CACNA1H: variants seen among roughly 807,000 people sequenced by gnomAD.
CACNA1H encodes the protein voltage-dependent T-type calcium channel subunit alpha-1H.
In CACNA1H, 149 loss-of-function variants were observed where a neutral mutation model predicts 192.5. The observed-to-expected ratio is 0.77, with a 90% CI of 0.68 to 0.89. CACNA1H has a LOEUF of 0.89. Ranked by LOEUF, CACNA1H falls within the 40% of genes least tolerant of loss-of-function variation. The probability of loss-of-function intolerance (pLI) is 0.00; values close to 1 mark genes in which losing one functional copy is unlikely to be tolerated. For missense variants in CACNA1H, 4,257 were observed against 3,423.5 expected, an observed-to-expected ratio of 1.24 and a Z score of -6.08; for synonymous variants, 2,202 against 1,475.2, an observed-to-expected ratio of 1.49 and a Z score of -11.29.
rs776343389 is a variant in CACNA1H at position 1,196,033 on chromosome 16, C to T, written c.643+10C>T. ...ATCAACCGCGTGCCTAGTAAGTGAC[C>T]GGCCCCGACTGGGCTTGAGATCAAC... On this transcript the variant is annotated intron_variant, in intron 5 of 34. Coordinates refer to ENST00000348261, the MANE Select transcript of CACNA1H (RefSeq NM_021098.3). 30 of 1,607,274 alleles carry T rather than the reference C, an allele frequency of 1.9e-5. No homozygotes were observed. Among genetic ancestry groups the T allele is most frequent in the Admixed American group, 6.7e-5 (4 of 59,962 alleles).
intron 23 of CACNA1H, 43 bp downstream of exon 23, chr16:1,211,649 C>T: frequency 6.2e-7 from 1 of 1,609,410 alleles, no homozygotes; most frequent in Non-Finnish European, 8.5e-7. Flanking sequence ...CTCCAGGACA[C>T]CCTGGAGCGA....
chr16:1,197,782 C>T (rs941854695), intron 5 of CACNA1H, among the ~76,000 whole-genome samples: 7 of 152,192 alleles, frequency 4.6e-5, no homozygotes, highest in African/African-American at 1.7e-4. Flanking sequence ...CTCAGCGTCC[C>T]CAGGTTCCTG....
intron 34 of CACNA1H, 41 bp downstream of exon 34, chr16:1,219,171 TG>T: frequency 5.4e-6 from 8 of 1,478,434 alleles, no homozygotes; most frequent in African/African-American, 1.4e-5. Context: ...CTGGCGGGGA[TG>T]GGGGGCTTGC....
At chr16:1,209,471 C>T (rs1421099221) in intron 17 of CACNA1H, 59 bp downstream of exon 17, 10 of 1,573,122 alleles carry the variant, frequency 6.4e-6, no homozygotes, top group Middle Eastern at 1.7e-4. Context: ...GGGCAGGTTC[C>T]CTCAAGTGGG....
chr16:1,207,348 A>T lies in CACNA1H; in HGVS notation c.2981A>T (p.Tyr994Phe). 6.2e-7 allele frequency: 1 copy of T among 1,612,764 alleles called. No individual in the cohort carries two copies. Among genetic ancestry groups the T allele is most frequent in the South Asian group, 1.1e-5 (1 of 90,924 alleles). Residue 994 changes from tyrosine to phenylalanine, a missense_variant, in exon 14 of 35, where the codon TAC becomes TTC. Tyr to Phe is a conservative substitution (Grantham distance 22). Transcript: ENST00000348261. ...MASTSSWAALYFVALMTFGNY... is the reference protein window; with the variant it reads ...MASTSSWAALFFVALMTFGNY... ...TCCACCTCCTCCTGGGCCGCCCTCT[A>T]CTTCGTGGCCCTCATGACCTTCGGC... is the stretch of plus-strand genomic sequence containing the variant.
intron 2 of CACNA1H, among the ~76,000 whole-genome samples, chr16:1,185,355 G>A (rs1965881523): frequency 6.6e-6 from 1 of 152,080 alleles, no homozygotes; most frequent in African/African-American, 2.4e-5. Flanking sequence ...CTTTGTCCCT[G>A]GTGTAGGCAG....
rs974854245 is a variant in CACNA1H, at chr16:1,219,235, A to T, written c.6048+105A>T. 11 of 1,184,342 alleles carry T rather than the reference A, an allele frequency of 9.3e-6. No individual in the cohort carries two copies. The Admixed American group carries it at 2.5e-4, about 27-fold the overall frequency. 73.4% of individuals were successfully genotyped at this position (1,184,342 alleles called of 1,614,324 possible). ...CAGCAGACGAGGACAAGGCAGGAGG[A>T]GGGTCGCACTGGGTCCTTGGGGCTC... On this transcript the variant is annotated intron_variant, in intron 34 of 34. Transcript: ENST00000348261.
intron 15 of CACNA1H, 55 bp from the exon 16 acceptor site, chr16:1,207,958 C>T (rs939420674): frequency 3.1e-5 from 48 of 1,550,210 alleles, no homozygotes; most frequent in African/African-American, 1.4e-4. Flanking sequence ...TTGGGGGATT[C>T]CTGGTCCTGG....
At position 1,201,668 on chromosome 16, in the gene CACNA1H, C is replaced by T. The variant is rs375730044; in HGVS notation, c.1218C>T (p.Gly406=). ...CCCGCCCGCCCCCGTCACAGGTGGGCTCCTTCTTCATGATCAACCTGTGCC... is the reference window on the plus strand; with the variant it reads ...CCCGCCCGCCCCCGTCACAGGTGGGTTCCTTCTTCATGATCAACCTGTGCC... ...FIYFILLIIV[G]SFFMINLCLV... The change falls in exon 9 of 35, where the codon GGC becomes GGT. Residue 406 remains glycine (G), a synonymous_variant. Transcript: ENST00000348261. 121 of 1,595,220 alleles carry T rather than the reference C, an allele frequency of 7.6e-5. No homozygotes were observed. The African/African-American group carries it at 1.5e-3, about 19-fold the overall frequency.
intron 10 of CACNA1H, 84 bp downstream of exon 10, chr16:1,204,542 A>T: frequency 1.8e-6 from 2 of 1,082,450 alleles, no homozygotes; most frequent in Non-Finnish European, 2.7e-6. Context: ...AGCAGCCCCG[A>T]TGCCTGACCT....
At chr16:1,218,791 G>A in intron 33 of CACNA1H, 140 bp downstream of exon 33, 1 of 1,147,672 alleles carries the variant, frequency 8.7e-7, no homozygotes, top group Non-Finnish European at 1.2e-6. Flanking sequence ...GGGGCAGGCA[G>A]GAGGGAGGAT....
At chr16:1,175,666 T>C (rs1290696273) in intron 2 of CACNA1H, among the ~76,000 whole-genome samples, 1 of 152,202 alleles carries the variant, frequency 6.6e-6, no homozygotes, top group African/African-American at 2.4e-5. Flanking sequence ...CACACACTAG[T>C]TACTCCGCAG....
intron 2 of CACNA1H, among the ~76,000 whole-genome samples, chr16:1,179,168 C>T (rs184649992): frequency 6.0e-4 from 92 of 152,352 alleles, no homozygotes; most frequent in African/African-American, 2.0e-3. Context: ...GCCTGGCCGT[C>T]GTCTCCCCAG....
intron 2 of CACNA1H, among the ~76,000 whole-genome samples, chr16:1,192,042 A>T (rs377322006): frequency 6.6e-6 from 1 of 152,054 alleles, no homozygotes; most frequent in African/African-American, 2.4e-5. Context: ...TTGCCCCTCT[A>T]TGGTCTTCTG....
Position 1,219,081 on chromosome 16 carries a change from C to G in CACNA1H, c.5999C>G (p.Pro2000Arg). The G allele has an allele frequency of 6.5e-7, 1 of 1,549,350 alleles. No homozygotes were observed. The highest frequency in any genetic ancestry group is 8.7e-7 in the Non-Finnish European group (1 of 1,146,566). The change falls in exon 34 of 35, where the codon CCT (proline) becomes CGT (arginine). Residue 2000 changes from proline to arginine, a missense_variant. Coordinates refer to ENST00000348261, the MANE Select transcript of CACNA1H (RefSeq NM_021098.3). ...GGCGAGCCCCTCCACGCCCTGTCCC[C>G]TCGGGGCACAGCCCGCTCCCCCAGT... The part of the protein sequence containing the change: ...RSGEPLHALS[P>R]RGTARSPSLS...
rs751828544 is a variant in CACNA1H, at chr16:1,201,687, C to A, written c.1237C>A (p.Leu413Met). The change falls in exon 9 of 35, where the codon CTG becomes ATG. Residue 413 changes from leucine to methionine, a missense_variant. Coordinates refer to ENST00000348261, the MANE Select transcript of CACNA1H (RefSeq NM_021098.3). ...IIVGSFFMIN[L>M]CLVVIATQFS... ...GGTGGGCTCCTTCTTCATGATCAACCTGTGCCTGGTGGTGATTGCCACGCA... is the reference window on the plus strand; with the variant it reads ...GGTGGGCTCCTTCTTCATGATCAACATGTGCCTGGTGGTGATTGCCACGCA... 1 of 1,605,268 alleles carries A rather than the reference C, an allele frequency of 6.2e-7. No homozygotes were observed. Among genetic ancestry groups the A allele is most frequent in the Non-Finnish European group, 8.5e-7 (1 of 1,174,950 alleles).
Position 1,188,968 on chromosome 16 carries a change from TGGGCCCCTTGGA to T in CACNA1H, c.300-5996_300-5985del, listed in dbSNP as rs1369244287. ...GCTGGCATCTGCGGTGCACTGGAGC[TGGGCCCCTTGGA>T]GGGCCCCCCCAGGTCCTGAGAGCTG... On this transcript the variant is annotated intron_variant, in intron 2 of 34. Coordinates refer to ENST00000348261, the MANE Select transcript of CACNA1H (RefSeq NM_021098.3). Among the ~76,000 whole-genome samples, 4 of 151,860 alleles carry T rather than the reference TGGGCCCCTTGGA, an allele frequency of 2.6e-5. No homozygotes were observed. In the East Asian group the frequency reaches 5.8e-4, roughly 22 times the overall value.
chr16:1,184,719 C>A (rs1385687568), intron 2 of CACNA1H, among the ~76,000 whole-genome samples: 2 of 152,232 alleles, frequency 1.3e-5, no homozygotes, highest in South Asian at 4.1e-4. Flanking sequence ...GAGACACCCC[C>A]ACCAACCTAT....
Position 1,206,192 on chromosome 16 carries a change from C to G in CACNA1H, c.2692C>G (p.Leu898Val). The G allele has an allele frequency of 6.3e-7, 1 of 1,592,238 alleles. No homozygotes were observed. Among genetic ancestry groups the G allele is most frequent in the Non-Finnish European group, 8.5e-7 (1 of 1,170,494 alleles). The change falls in exon 12 of 35, where the codon CTG becomes GTG. Residue 898 changes from leucine (L) to valine (V), a missense_variant. Coordinates refer to ENST00000348261, the MANE Select transcript of CACNA1H (RefSeq NM_021098.3). The part of the protein sequence containing the change: ...LLRVLKLVRF[L>V]PALRRQLVVL... ...GCGTGTGCTGAAGCTGGTGCGCTTT[C>G]TGCCAGCCCTGCGGCGCCAGCTCGT...
Sources: allele counts gnomAD v4.1 joint callset (sites outside exome capture counted in the v4.1 genomes callset), GRCh38; gene constraint gnomAD v4.1.1; transcripts MANE v1.5; gene names NCBI Gene and HGNC (gene_info 2026-07-23, HGNC 2026-07-21).